Variants in ARHGAP28 observed in about 807,000 individuals in gnomAD.
ARHGAP28 encodes the protein rho GTPase-activating protein 28.
A neutral mutation model predicts 90.7 loss-of-function variants in ARHGAP28; 56 were observed. The ratio of observed to expected loss-of-function variants is 0.62; its 90% CI spans 0.50 to 0.77. The LOEUF (loss-of-function observed/expected upper bound fraction) is 0.77. Ranked by LOEUF, ARHGAP28 falls within the 30% of genes least tolerant of loss-of-function variation. The pLI is 0.00. For synonymous variants in ARHGAP28, 308 were observed against 323.3 expected (o/e 0.95, Z 0.51); for missense variants, 869 against 900.9 (o/e 0.96, Z 0.45).
chr18:6,876,110 T>G, intron 9 of ARHGAP28, 21 bp from the exon 10 acceptor site: 1 of 1,580,898 alleles, frequency 6.3e-7, no homozygotes, highest in Non-Finnish European at 8.7e-7. Context: ...CTTATTCTGG[T>G]AATATATCAT....
chr18:6,821,457 C>G (rs73941126), intron 1 of ARHGAP28, among the ~76,000 whole-genome samples: 2,190 of 152,258 alleles, frequency 0.014, 48 homozygotes, highest in African/African-American at 0.05. Flanking sequence ...TCCATTTTCT[C>G]CTAATATGGT....
chr18:6,813,854 A>G (rs536228704), intron 1 of ARHGAP28, among the ~76,000 whole-genome samples: 1 of 152,224 alleles, frequency 6.6e-6, no homozygotes, highest in South Asian at 2.1e-4. Flanking sequence ...TTATTCAGGC[A>G]TTTCTGAAAT....
chr18:6,842,330 T>G (rs2056833832), intron 3 of ARHGAP28, among the ~76,000 whole-genome samples: 1 of 152,144 alleles, frequency 6.6e-6, no homozygotes, highest in Non-Finnish European at 1.5e-5. Flanking sequence ...CTGGGCCACT[T>G]AACTCCAGCC....
At chr18:6,782,448 C>T (rs1332995802) in intron 1 of ARHGAP28, among the ~76,000 whole-genome samples, 1 of 151,796 alleles carries the variant, frequency 6.6e-6, no homozygotes, top group Non-Finnish European at 1.5e-5. Context: ...GATAGAGTCT[C>T]ACTCTGTCAC....
At chr18:6,803,936 G>T (rs539441693) in intron 1 of ARHGAP28, among the ~76,000 whole-genome samples, 1 of 151,756 alleles carries the variant, frequency 6.6e-6, no homozygotes, top group South Asian at 2.1e-4. Flanking sequence ...CTCCCACCAC[G>T]CCCAGCTAAT....
chr18:6,787,864 C>T (rs931387637), intron 1 of ARHGAP28, among the ~76,000 whole-genome samples: 3 of 152,108 alleles, frequency 2.0e-5, no homozygotes, highest in Non-Finnish European at 4.4e-5. Context: ...AATCTAATTC[C>T]TATCCATCAC....
At chr18:6,854,645 G>A (rs77010826) in intron 4 of ARHGAP28, among the ~76,000 whole-genome samples, 3,105 of 152,260 alleles carry the variant, frequency 0.02, 44 homozygotes, top group Middle Eastern at 0.037. Context: ...GTGCAGCCAG[G>A]GTTGTGCCTT....
chr18:6,736,544 A>T (rs1179520487), intron 1 of ARHGAP28, among the ~76,000 whole-genome samples: 2 of 151,562 alleles, frequency 1.3e-5, no homozygotes, highest in African/African-American at 2.4e-5. Flanking sequence ...GTTCGAGACC[A>T]GCCTGACTAA....
chr18:6,906,874 C>T (rs1287542238), intron 16 of ARHGAP28, among the ~76,000 whole-genome samples: 1 of 152,078 alleles, frequency 6.6e-6, no homozygotes, highest in African/African-American at 2.4e-5. Context: ...TGCAAAACCA[C>T]ATATCCAACA....
intron 13 of ARHGAP28, 23 bp downstream of exon 13, chr18:6,890,108 G>A: frequency 1.9e-6 from 3 of 1,613,126 alleles, no homozygotes; most frequent in South Asian, 1.1e-5. Context: ...GTGATGACAG[G>A]TCCCCCTCAG....
intron 1 of ARHGAP28, chr18:6,789,618 G>A (rs1486581947): frequency 1.3e-5 from 2 of 152,028 alleles, no homozygotes; most frequent in Non-Finnish European, 1.5e-5. Context: ...TTTCACCAGA[G>A]ATCACCACCA....
chr18:6,841,180 C>CCTCTCTCTCTCTCTCTCTCTCCTCT (rs2056814735), intron 3 of ARHGAP28, among the ~76,000 whole-genome samples: 3 of 57,064 alleles, frequency 5.3e-5, no homozygotes, highest in African/African-American at 2.1e-4. Flanking sequence ...CTCTCTCTCT[C>CCTCTCTCTCTCTCTCTCTCTCCTCT]CTCTCTCTCT....
intron 5 of ARHGAP28, among the ~76,000 whole-genome samples, chr18:6,863,787 T>TTG (rs33917479): frequency 4.8e-5 from 3 of 62,850 alleles, no homozygotes; most frequent in African/African-American, 1.8e-4. Flanking sequence ...CTTTGTTTAA[T>TTG]TTTTTTTTTT....
At position 6,894,696 on chromosome 18, in the gene ARHGAP28, G is replaced by A; in HGVS notation, c.1849-139G>A. 4.6e-6 allele frequency: 3 copies of A among 655,254 alleles called. No individual in the cohort carries two copies. In the East Asian group the frequency reaches 8.2e-5, roughly 18 times the overall value. 40.6% of individuals were successfully genotyped at this position (655,254 alleles called of 1,614,324 possible). A position where few individuals can be genotyped will look rare whatever the true frequency, so the allele number is the denominator to read the frequency against. Reference sequence around the variant, plus strand: ...ATAAATGCATAGATGTGGAGCTGTTGGATTAAAGTGCATATACATTTTATA... The same window carrying A: ...ATAAATGCATAGATGTGGAGCTGTTAGATTAAAGTGCATATACATTTTATA... On this transcript the variant is annotated intron_variant, in intron 14 of 17. Transcript: ENST00000383472.
rs570245266 is a variant in ARHGAP28 at position 6,913,940 on chromosome 18, A to G, written c.*1786A>G. 7.9e-5 allele frequency: 12 copies of G among 152,312 alleles called. No individual in the cohort carries two copies. In the South Asian group the frequency reaches 1.2e-3, roughly 16 times the overall value. The allele number at this position is 152,312 out of a possible 1,614,324, so 9.4% of individuals were successfully genotyped here. ...ACATTTTACTTTATGTAATTGCCACATCCCAAGATGTAAAACGGCAGTAAT... is the reference window on the plus strand; with the variant it reads ...ACATTTTACTTTATGTAATTGCCACGTCCCAAGATGTAAAACGGCAGTAAT... On this transcript the variant is annotated 3_prime_UTR_variant, in exon 18 of 18. Transcript: ENST00000383472.
At chr18:6,877,035 G>A (rs1227662492) in intron 10 of ARHGAP28, among the ~76,000 whole-genome samples, 1 of 152,194 alleles carries the variant, frequency 6.6e-6, no homozygotes, top group Non-Finnish European at 1.5e-5. Context: ...CTGGATCCCT[G>A]AGCAAACAGT....
chr18:6,836,014 T>C (rs1377327223), intron 2 of ARHGAP28: 1 of 152,182 alleles, frequency 6.6e-6, no homozygotes, highest in South Asian at 2.1e-4. Flanking sequence ...TCACTGATGT[T>C]TGCCTTTCAC....
intron 1 of ARHGAP28, among the ~76,000 whole-genome samples, chr18:6,815,846 A>G (rs1484759569): frequency 6.6e-6 from 1 of 151,576 alleles, no homozygotes; most frequent in Admixed American, 6.6e-5. Flanking sequence ...TTACTTGCAT[A>G]GTGCTGTACT....
intron 17 of ARHGAP28, among the ~76,000 whole-genome samples, 192 bp from the exon 18 acceptor site, chr18:6,911,868 A>G (rs1030189058): frequency 6.6e-6 from 1 of 152,166 alleles, no homozygotes; most frequent in Non-Finnish European, 1.5e-5. Flanking sequence ...AAGAAAGAAA[A>G]AAAAAAGAAA....
Sources: gnomAD v4.1 joint callset for allele counts (sites outside exome capture counted in the v4.1 genomes callset) on GRCh38, gnomAD v4.1.1 for gene constraint, MANE v1.5 for transcripts, NCBI Gene and HGNC (gene_info 2026-07-23, HGNC 2026-07-21) for gene names.